UNC5D: variants seen among roughly 807,000 people sequenced by gnomAD.
UNC5D encodes netrin receptor UNC5D.
A neutral mutation model predicts 105.4 loss-of-function variants in UNC5D; 39 were observed. That is an observed-to-expected ratio of 0.37 (90% CI 0.29 to 0.48). The LOEUF (loss-of-function observed/expected upper bound fraction) is 0.48, where lower values mean the gene tolerates loss of function less well. Among genes scored for constraint, UNC5D ranks in the 20% least tolerant of loss-of-function variants. UNC5D has a pLI of 0.98. For missense variants in UNC5D, 991 were observed against 1,202.4 expected (o/e 0.82, Z 2.60); for synonymous variants, 452 against 450.4 (o/e 1.00, Z -0.04).
chr8:35,608,996 G>C (rs576158563), intron 4 of UNC5D, among the ~76,000 whole-genome samples: 4 of 152,082 alleles, frequency 2.6e-5, no homozygotes, highest in African/African-American at 4.8e-5. Context: ...ATTTTTCATA[G>C]AGGTTGTACT....
chr8:35,369,728 T>A (rs1363093717), intron 1 of UNC5D, among the ~76,000 whole-genome samples: 1 of 152,156 alleles, frequency 6.6e-6, no homozygotes, highest in East Asian at 1.9e-4. Context: ...AGATAACTCT[T>A]GTTTGTCTCT....
chr8:35,610,627 A>G lies in UNC5D; in HGVS notation c.570+14970A>G, dbSNP rs144330588. Among the ~76,000 whole-genome samples, 15 of 152,258 alleles carry G rather than the reference A, an allele frequency of 9.9e-5. No homozygotes were observed. In the East Asian group the frequency reaches 2.5e-3, roughly 26 times the overall value. ...TGCCTAGAGTTACATAGAAGAGGCC[A>G]TGTAGAAGAAAAAGGGACATACAAA... On this transcript the variant is annotated intron_variant, in intron 4 of 16. Coordinates refer to ENST00000404895, the MANE Select transcript of UNC5D (RefSeq NM_080872.4).
At chr8:35,718,235 T>TAAC (rs1828366540) in intron 8 of UNC5D, among the ~76,000 whole-genome samples, 1 of 152,106 alleles carries the variant, frequency 6.6e-6, no homozygotes, top group African/African-American at 2.4e-5. Flanking sequence ...AAGACATTAG[T>TAAC]AACATATTGA....
At chr8:35,650,094 AT>A (rs1232873455) in intron 4 of UNC5D, among the ~76,000 whole-genome samples, 1 of 152,208 alleles carries the variant, frequency 6.6e-6, no homozygotes, top group Non-Finnish European at 1.5e-5. Context: ...TTATTCCAAA[AT>A]AAAAATGTGT....
chr8:35,721,714 GTCTT>G (rs2131533831), intron 8 of UNC5D, among the ~76,000 whole-genome samples: 1 of 152,250 alleles, frequency 6.6e-6, no homozygotes, highest in African/African-American at 2.4e-5. Flanking sequence ...GTGAACTCTG[GTCTT>G]TCTCTCAACT....
At chr8:35,320,846 T>C (rs1809687271) in intron 1 of UNC5D, among the ~76,000 whole-genome samples, 1 of 152,156 alleles carries the variant, frequency 6.6e-6, no homozygotes, top group South Asian at 2.1e-4. Flanking sequence ...TTCAGTTGAT[T>C]GGGGGGCTTG....
intron 7 of UNC5D, among the ~76,000 whole-genome samples, chr8:35,688,218 G>A (rs562439914): frequency 2.6e-5 from 4 of 151,262 alleles, no homozygotes; most frequent in Non-Finnish European, 4.4e-5. Flanking sequence ...TCGCCTTCTC[G>A]GAAATTTCTC....
intron 4 of UNC5D, among the ~76,000 whole-genome samples, chr8:35,636,751 G>A (rs1008276495): frequency 7.9e-5 from 12 of 152,182 alleles, no homozygotes; most frequent in African/African-American, 2.9e-4. Context: ...TCACAAGGTT[G>A]TTGTATATCC....
At chr8:35,739,967 A>G (rs1829673961) in intron 11 of UNC5D, among the ~76,000 whole-genome samples, 1 of 152,162 alleles carries the variant, frequency 6.6e-6, no homozygotes, top group African/African-American at 2.4e-5. Context: ...AACCTCCAGG[A>G]CTCCATAAAG....
At chr8:35,258,256 T>C (rs77475290) in intron 1 of UNC5D, among the ~76,000 whole-genome samples, 2,312 of 152,366 alleles carry the variant, frequency 0.015, 64 homozygotes, top group African/African-American at 0.054. Flanking sequence ...AAATCCTGTT[T>C]CATCAGGGCA....
chr8:35,706,929 A>T (rs1419058114), intron 8 of UNC5D, among the ~76,000 whole-genome samples: 2 of 152,210 alleles, frequency 1.3e-5, no homozygotes, highest in Non-Finnish European at 2.9e-5. Context: ...GACGCTAGGG[A>T]AACTTCAAGA....
intron 10 of UNC5D, 140 bp downstream of exon 10, chr8:35,726,669 T>C (rs868331409): frequency 1.5e-6 from 2 of 1,325,316 alleles, no homozygotes; most frequent in Admixed American, 2.2e-5. Flanking sequence ...ACTAGTCCAC[T>C]TGATTTACAC....
At chr8:35,712,572 G>A (rs1035991959) in intron 8 of UNC5D, among the ~76,000 whole-genome samples, 1 of 152,138 alleles carries the variant, frequency 6.6e-6, no homozygotes, top group South Asian at 2.1e-4. Context: ...TGAAAAGTAG[G>A]TATGCTCTTC....
intron 1 of UNC5D, among the ~76,000 whole-genome samples, chr8:35,242,797 T>C (rs1802880474): frequency 6.6e-6 from 1 of 152,214 alleles, no homozygotes; most frequent in Non-Finnish European, 1.5e-5. Flanking sequence ...AAAGAGAACG[T>C]ATTTACTCAA....
At chr8:35,380,513 T>A (rs1052147063) in intron 1 of UNC5D, among the ~76,000 whole-genome samples, 1 of 152,170 alleles carries the variant, frequency 6.6e-6, no homozygotes, top group African/African-American at 2.4e-5. Context: ...TAAGGCATAA[T>A]GTTTTATTTA....
At position 35,793,078 on chromosome 8, in the gene UNC5D, A is replaced by C; in HGVS notation, c.*2515A>C. 2.2e-6 allele frequency: 1 copy of C among 453,804 alleles called. No individual in the cohort carries two copies. Among genetic ancestry groups the C allele is most frequent in the Non-Finnish European group, 4.4e-6 (1 of 226,020 alleles). 28.1% of individuals were successfully genotyped at this position (453,804 alleles called of 1,614,324 possible). A position where few individuals can be genotyped will look rare whatever the true frequency, so the allele number is the denominator to read the frequency against. ...ACCTCAGACTTCAGCCTAAGATTCA[A>C]TCAAATTCATCCTTCAGCCTGTCTT... On this transcript the variant is annotated 3_prime_UTR_variant, in exon 17 of 17. Transcript: ENST00000404895.
chr8:35,250,894 C>T (rs116819748), intron 1 of UNC5D, among the ~76,000 whole-genome samples: 2,197 of 151,806 alleles, frequency 0.014, 54 homozygotes, highest in African/African-American at 0.051. Context: ...TGTGTAGGTC[C>T]CATTTATAAA....
At chr8:35,686,456 C>T in intron 6 of UNC5D, 89 bp from the exon 7 acceptor site, 15 of 1,339,268 alleles carry the variant, frequency 1.1e-5, no homozygotes, top group South Asian at 5.7e-5. Flanking sequence ...CCTTAAAATC[C>T]AGCTCTAGAA....
At chr8:35,400,536 A>G (rs7825699) in intron 1 of UNC5D, among the ~76,000 whole-genome samples, 135,718 of 152,160 alleles carry the variant, frequency 0.89, 60,614 homozygotes, top group East Asian at 1. Context: ...AACAGATGTA[A>G]ACTTCATTTT....
Sources: gnomAD v4.1 joint callset for allele counts (sites outside exome capture counted in the v4.1 genomes callset) on GRCh38, gnomAD v4.1.1 for gene constraint, MANE v1.5 for transcripts, NCBI Gene and HGNC (gene_info 2026-07-23, HGNC 2026-07-21) for gene names.